SEMA6A: variants seen among roughly 807,000 people sequenced by gnomAD.
The protein encoded by SEMA6A is semaphorin 6A, also known as semaphorin-6A.
Under a neutral mutation model 96.8 loss-of-function variants are expected in SEMA6A, and 25 were observed. The ratio of observed to expected loss-of-function variants is 0.26; its 90% confidence interval spans 0.19 to 0.36. The LOEUF (loss-of-function observed/expected upper bound fraction) is 0.36, where lower values mean the gene tolerates loss of function less well. Ranked by LOEUF, SEMA6A falls within the 10% of genes least tolerant of loss-of-function variation. The pLI, the probability that SEMA6A is intolerant of heterozygous loss-of-function variation, is 1.00. For synonymous variants in SEMA6A, 612 were observed against 518.0 expected (o/e 1.18, Z -2.46); for missense variants, 1,363 against 1,323.1 (o/e 1.03, Z -0.47).
At chr5:116,558,915 C>G (rs985952188) in intron 1 of SEMA6A, among the ~76,000 whole-genome samples, 15 of 152,228 alleles carry the variant, frequency 9.9e-5, no homozygotes, top group Middle Eastern at 3.4e-3. Flanking sequence ...AGAGGGAGAA[C>G]ACATGTATAT....
intron 18 of SEMA6A, among the ~76,000 whole-genome samples, chr5:116,459,978 A>T (rs1755275504): frequency 6.6e-6 from 1 of 152,144 alleles, no homozygotes. Flanking sequence ...TTGAGATGAG[A>T]TTGTCAGCAT....
chr5:116,507,393 G>T (rs139690999), intron 1 of SEMA6A, among the ~76,000 whole-genome samples: 1 of 152,038 alleles, frequency 6.6e-6, no homozygotes, highest in Non-Finnish European at 1.5e-5. Flanking sequence ...ATTACTTTGC[G>T]GAGGGATCCC....
chr5:116,480,344 G>T, intron 11 of SEMA6A, 67 bp from the exon 12 acceptor site: 2 of 1,575,482 alleles, frequency 1.3e-6, no homozygotes, highest in Non-Finnish European at 1.7e-6. Context: ...TTCTTTGAAT[G>T]AACTGCTTCT....
chr5:116,499,951 G>C (rs1038819676), intron 3 of SEMA6A, among the ~76,000 whole-genome samples: 1 of 151,976 alleles, frequency 6.6e-6, no homozygotes, highest in Non-Finnish European at 1.5e-5. Context: ...TTTTTCCCCC[G>C]GAAACTCAAC....
chr5:116,491,475 C>T (rs1261072562), intron 7 of SEMA6A, among the ~76,000 whole-genome samples: 1 of 151,850 alleles, frequency 6.6e-6, no homozygotes, highest in Non-Finnish European at 1.5e-5. Context: ...ATTATTTGAG[C>T]CCAAACATTC....
chr5:116,468,847 CACA>C (rs1029586763), intron 17 of SEMA6A: 1 of 152,178 alleles, frequency 6.6e-6, no homozygotes, highest in African/African-American at 2.4e-5. Context: ...AGGGCAGACT[CACA>C]ACAACTCCAA....
chr5:116,468,463 C>T (rs1378587911), intron 17 of SEMA6A: 1 of 152,166 alleles, frequency 6.6e-6, no homozygotes, highest in Non-Finnish European at 1.5e-5. Context: ...TAGATGGTTT[C>T]CGTTTCTGAG....
chr5:116,520,627 TA>T (rs1350298982), intron 1 of SEMA6A, among the ~76,000 whole-genome samples: 14 of 152,282 alleles, frequency 9.2e-5, no homozygotes, highest in African/African-American at 3.4e-4. Context: ...GGGTAGAAAC[TA>T]TAAAGATGAT....
In SEMA6A at chr5:116,496,255, T is replaced by G; in HGVS notation, c.338A>C (p.His113Pro). The stretch of plus-strand genomic sequence containing the variant: ...GGAGAAATGAAAATTGCCTACCTTA[T>G]GTTTTCCCTTCATTCTGCATGTGTC... ...DVDTCRMKGK[H>P]KDECHNFIKV... The change falls in exon 5 of 19, where the codon CAT (histidine) becomes CCT (proline). Residue 113 changes from histidine (H) to proline (P), a missense_variant. His to Pro is a moderately conservative substitution (Grantham distance 77). This residue lies in a region of SEMA6A where 480 missense variants were observed against 559.5 expected (regional missense o/e 0.86). Transcript: ENST00000343348. The G allele has an allele frequency of 6.2e-7, 1 of 1,613,664 alleles. No individual in the cohort carries two copies. Among genetic ancestry groups the G allele is most frequent in the Non-Finnish European group, 8.5e-7 (1 of 1,179,662 alleles).
intron 1 of SEMA6A, among the ~76,000 whole-genome samples, chr5:116,563,573 G>C (rs191662604): frequency 1.8e-3 from 273 of 150,776 alleles, no homozygotes; most frequent in African/African-American, 5.0e-3. Context: ...GTTAATTAAA[G>C]TCCACATTGT....
At chr5:116,447,954 C>A in intron 18 of SEMA6A, 143 bp from the exon 19 acceptor site, 1 of 692,776 alleles carries the variant, frequency 1.4e-6, no homozygotes, top group Non-Finnish European at 2.4e-6. Flanking sequence ...CTCAGCTTGC[C>A]AAACATTAAC....
chr5:116,480,811 T>G (rs969864998), intron 11 of SEMA6A, among the ~76,000 whole-genome samples: 12 of 152,186 alleles, frequency 7.9e-5, no homozygotes, highest in African/African-American at 2.7e-4. Context: ...CTTATTGTTG[T>G]TTTTATTTTT....
Position 116,552,793 on chromosome 5 carries a change from C to G in SEMA6A, c.-39+21392G>C, listed in dbSNP as rs79290525. 2.6e-4 allele frequency among the ~76,000 whole-genome samples: 40 copies of G among 152,290 alleles called. 1 individual carries two copies. In the East Asian group the frequency reaches 7.7e-3, roughly 29 times the overall value. On this transcript the variant is annotated intron_variant, in intron 1 of 18. Transcript: ENST00000343348. ...TAGAAAATAATTTCATAAGAGGTGC[C>G]AAAATGTTGCCAGATGGGACAAAAA...
chr5:116,500,608 T>C (rs1757830445), intron 3 of SEMA6A, among the ~76,000 whole-genome samples: 1 of 152,212 alleles, frequency 6.6e-6, no homozygotes, highest in African/African-American at 2.4e-5. Context: ...CCTTTTTTTT[T>C]TAACTTTATG....
At chr5:116,496,018 C>G (rs963559059) in intron 5 of SEMA6A, 10 of 457,332 alleles carry the variant, frequency 2.2e-5, no homozygotes, top group Non-Finnish European at 3.6e-5. Flanking sequence ...GTCCATAATC[C>G]TGTGTGCGCC....
At chr5:116,557,964 C>T (rs1018932915) in intron 1 of SEMA6A, among the ~76,000 whole-genome samples, 1 of 152,160 alleles carries the variant, frequency 6.6e-6, no homozygotes, top group African/African-American at 2.4e-5. Flanking sequence ...TTTGGTTTCT[C>T]GGCATTATGA....
At chr5:116,487,162 A>G (rs17433317) in intron 9 of SEMA6A, 196 bp from the exon 10 acceptor site, 23,524 of 554,574 alleles carry the variant, frequency 0.042, 676 homozygotes, top group South Asian at 0.081. Flanking sequence ...GTTTTAAAAG[A>G]TAAGGCTGTG....
intron 1 of SEMA6A, among the ~76,000 whole-genome samples, chr5:116,540,395 A>G (rs1759906502): frequency 6.6e-5 from 10 of 152,172 alleles, no homozygotes; most frequent in Admixed American, 6.5e-4. Context: ...TGTTGCTTCC[A>G]CCATTTGGAG....
intron 1 of SEMA6A, among the ~76,000 whole-genome samples, chr5:116,533,378 T>G (rs543526531): frequency 6.6e-6 from 1 of 152,124 alleles, no homozygotes; most frequent in African/African-American, 2.4e-5. Context: ...ACCTTTTTAG[T>G]CAGACCTACT....
Sources: allele counts gnomAD v4.1 joint callset (sites outside exome capture counted in the v4.1 genomes callset), GRCh38; gene constraint gnomAD v4.1.1; regional missense constraint gnomAD v4.1.1; transcripts MANE v1.5; gene names NCBI Gene and HGNC (gene_info 2026-07-23, HGNC 2026-07-21).